The following CTIF variants were observed in gnomAD, a reference collection of about 807,000 sequenced individuals.
CTIF encodes cap binding complex dependent translation initiation factor, also known as CBP80/20-dependent translation initiation factor.
A neutral mutation model predicts 66.0 loss-of-function variants in CTIF; 21 were observed. The observed-to-expected ratio is 0.32, with a 90% confidence interval of 0.23 to 0.46. CTIF has a LOEUF of 0.46. Ranked by LOEUF, CTIF falls within the 20% of genes least tolerant of loss-of-function variation. The pLI is 1.00. For synonymous variants in CTIF, 345 were observed against 326.4 expected (o/e 1.06, Z -0.62); for missense variants, 739 against 812.7 (o/e 0.91, Z 1.10).
At chr18:48,694,446 C>T (rs140835640) in intron 6 of CTIF, among the ~76,000 whole-genome samples, 11 of 152,304 alleles carry the variant, frequency 7.2e-5, no homozygotes, top group African/African-American at 2.4e-4. Flanking sequence ...ATCCTGAGTC[C>T]AGGTTCTCAA....
In CTIF at chr18:48,563,353, G is replaced by A. The variant is rs536893470; in HGVS notation, c.-29+24041G>A. 2.6e-5 allele frequency among the ~76,000 whole-genome samples: 4 copies of A among 152,334 alleles called. No individual in the cohort carries two copies. In the East Asian group the frequency reaches 7.7e-4, roughly 29 times the overall value. On this transcript the variant is annotated intron_variant, in intron 1 of 11. Coordinates refer to ENST00000256413, the MANE Select transcript of CTIF (RefSeq NM_014772.3). ...GGTGACTTTTGTATTCATCTCTCTGGGATCTTGGGAGACAGTTTCAACTAT... is the reference window on the plus strand; with the variant it reads ...GGTGACTTTTGTATTCATCTCTCTGAGATCTTGGGAGACAGTTTCAACTAT...
intron 1 of CTIF, among the ~76,000 whole-genome samples, chr18:48,593,252 G>A (rs1255854909): frequency 6.6e-6 from 1 of 152,154 alleles, no homozygotes; most frequent in African/African-American, 2.4e-5. Context: ...CCTCCGCTGG[G>A]ATTCTTAAGA....
At chr18:48,555,470 T>C (rs2088995708) in intron 1 of CTIF, among the ~76,000 whole-genome samples, 1 of 152,220 alleles carries the variant, frequency 6.6e-6, no homozygotes. Flanking sequence ...TGGAGCTTTC[T>C]GCCCAAAGTG....
At chr18:48,681,223 A>G (rs1354825393) in intron 6 of CTIF, among the ~76,000 whole-genome samples, 4 of 152,178 alleles carry the variant, frequency 2.6e-5, no homozygotes, top group African/African-American at 4.8e-5. Context: ...CCTCTGTTCT[A>G]TACAGCCAGG....
chr18:48,630,965 C>T (rs1289250431), intron 2 of CTIF, among the ~76,000 whole-genome samples: 2 of 152,180 alleles, frequency 1.3e-5, no homozygotes, highest in Non-Finnish European at 2.9e-5. Flanking sequence ...GCATGAGCCA[C>T]CGCACCCAGC....
At chr18:48,702,355 A>T (rs1395526263) in intron 6 of CTIF, among the ~76,000 whole-genome samples, 4 of 152,252 alleles carry the variant, frequency 2.6e-5, no homozygotes, top group Admixed American at 2.6e-4. Context: ...GCTCTCACCC[A>T]CAAGGCTACC....
intron 7 of CTIF, among the ~76,000 whole-genome samples, chr18:48,744,108 G>A (rs1222894968): frequency 3.9e-5 from 6 of 152,112 alleles, no homozygotes; most frequent in African/African-American, 1.2e-4. Context: ...CCAAGATGTG[G>A]GAGGGTTTGG....
chr18:48,556,141 C>G (rs2089015281), intron 1 of CTIF, among the ~76,000 whole-genome samples: 1 of 152,168 alleles, frequency 6.6e-6, no homozygotes, highest in Non-Finnish European at 1.5e-5. Flanking sequence ...GCACATCGAT[C>G]TGATCGTGAA....
At chr18:48,730,311 G>GCCCCCGCGGTGTGAGGGC (rs1568171007) in intron 7 of CTIF, among the ~76,000 whole-genome samples, 8 of 138,348 alleles carry the variant, frequency 5.8e-5, no homozygotes, top group African/African-American at 2.2e-4. Flanking sequence ...GGTGTGAGGG[G>GCCCCCGCGGTGTGAGGGC]CTTCTGCGGT....
At chr18:48,589,435 C>A (rs544133185) in intron 1 of CTIF, among the ~76,000 whole-genome samples, 1 of 152,340 alleles carries the variant, frequency 6.6e-6, no homozygotes, top group South Asian at 2.1e-4. Flanking sequence ...CTTATAAGGA[C>A]CCCAGTCCCT....
At chr18:48,805,301 G>T (rs2068121486) in intron 9 of CTIF, among the ~76,000 whole-genome samples, 1 of 152,134 alleles carries the variant, frequency 6.6e-6, no homozygotes, top group South Asian at 2.1e-4. Context: ...GGTGAGAAAA[G>T]AGCCTTCCAG....
intron 6 of CTIF, among the ~76,000 whole-genome samples, chr18:48,707,413 G>T (rs376031252): frequency 8.5e-5 from 13 of 152,164 alleles, no homozygotes; most frequent in Non-Finnish European, 1.8e-4. Flanking sequence ...ACTTGTCTTG[G>T]ACATGCCACC....
intron 9 of CTIF, among the ~76,000 whole-genome samples, chr18:48,784,029 CATTT>C (rs750879674): frequency 5.9e-5 from 9 of 152,234 alleles, no homozygotes; most frequent in Non-Finnish European, 1.0e-4. Flanking sequence ...AAGATTCATT[CATTT>C]ATCAGCTGAG....
chr18:48,767,867 G>A (rs1909724707), intron 9 of CTIF, among the ~76,000 whole-genome samples: 1 of 152,196 alleles, frequency 6.6e-6, no homozygotes, highest in African/African-American at 2.4e-5. Flanking sequence ...GTTGAGTGGT[G>A]ACTCTGTGGG....
At chr18:48,670,611 G>T (rs1200198326) in intron 5 of CTIF, 58 bp from the exon 6 acceptor site, 1 of 1,476,540 alleles carries the variant, frequency 6.8e-7, no homozygotes, top group East Asian at 2.3e-5. Flanking sequence ...CTGGCCGGAT[G>T]GGACAGGAGG....
chr18:48,652,883 G>T (rs1365564122), intron 3 of CTIF, among the ~76,000 whole-genome samples: 1 of 151,930 alleles, frequency 6.6e-6, no homozygotes, highest in African/African-American at 2.4e-5. Flanking sequence ...AAAACCACAT[G>T]ATTATCTCAA....
chr18:48,693,490 G>C (rs1244925208), intron 6 of CTIF, among the ~76,000 whole-genome samples: 1 of 152,192 alleles, frequency 6.6e-6, no homozygotes, highest in East Asian at 1.9e-4. Context: ...GGCTGTCACT[G>C]AGCAACCAGG....
chr18:48,749,733 G>C (rs890189859), intron 7 of CTIF, among the ~76,000 whole-genome samples: 2 of 152,226 alleles, frequency 1.3e-5, no homozygotes, highest in African/African-American at 4.8e-5. Context: ...TAAGGAACTT[G>C]CCCAAAGTTG....
chr18:48,749,905 G>A (rs1907637467), intron 7 of CTIF, among the ~76,000 whole-genome samples: 1 of 152,214 alleles, frequency 6.6e-6, no homozygotes, highest in African/African-American at 2.4e-5. Context: ...TGCAGGGCTT[G>A]GCAGGCCGAG....
Sources: gnomAD v4.1 joint callset for allele counts (sites outside exome capture counted in the v4.1 genomes callset) on GRCh38, gnomAD v4.1.1 for gene constraint, MANE v1.5 for transcripts, NCBI Gene and HGNC (gene_info 2026-07-23, HGNC 2026-07-21) for gene names.